TRMT11: variants seen among roughly 807,000 people sequenced by gnomAD.
TRMT11 encodes the protein tRNA methyltransferase 11.
A neutral mutation model predicts 62.8 loss-of-function variants in TRMT11; 53 were observed. The ratio of observed to expected loss-of-function variants is 0.84; its 90% CI spans 0.68 to 1.06. TRMT11 has a LOEUF of 1.06. Among genes scored for constraint, TRMT11 ranks in the 50% least tolerant of loss-of-function variants. TRMT11 has a pLI of 0.00. For missense variants in TRMT11, 556 were observed against 553.4 expected (o/e 1.00, Z -0.05); for synonymous variants, 188 against 190.3 (o/e 0.99, Z 0.10).
At chr6:126,082,708 CT>C (rs1329213696) in intron 17 of TRMT11, among the ~76,000 whole-genome samples, 1 of 152,054 alleles carries the variant, frequency 6.6e-6, no homozygotes, top group Non-Finnish European at 1.5e-5. Flanking sequence ...ATAAAAGGGA[CT>C]TTATTTTATT....
the TRMT11 span, among the ~76,000 whole-genome samples, chr6:126,246,124 A>G: frequency 1.1e-4 from 16 of 152,016 alleles, no homozygotes; most frequent in African/African-American, 3.9e-4. Context: ...CTTAAAAAAA[A>G]AATTAGCCAG....
chr6:126,251,304 C>A, the TRMT11 span, among the ~76,000 whole-genome samples: 1 of 152,032 alleles, frequency 6.6e-6, no homozygotes, highest in East Asian at 1.9e-4. Flanking sequence ...GCTGGGATTA[C>A]AGGTGTGAGC....
At chr6:126,093,402 G>C (rs866712750) in intron 17 of TRMT11, among the ~76,000 whole-genome samples, 1 of 150,592 alleles carries the variant, frequency 6.6e-6, no homozygotes, top group Non-Finnish European at 1.5e-5. Context: ...AAGGTAAATT[G>C]ACTATAACAA....
intron 3 of TRMT11, among the ~76,000 whole-genome samples, chr6:125,997,013 A>C (rs768478275): frequency 4.6e-5 from 7 of 152,196 alleles, no homozygotes; most frequent in Non-Finnish European, 8.8e-5. Flanking sequence ...TTTTTGAATA[A>C]TTGCTTGTTA....
At chr6:126,156,423 A>G (rs1032644438) in intron 21 of TRMT11, among the ~76,000 whole-genome samples, 1 of 152,136 alleles carries the variant, frequency 6.6e-6, no homozygotes, top group African/African-American at 2.4e-5. Flanking sequence ...TTTCCTATCC[A>G]TCCTCTGGAA....
At chr6:126,196,162 C>G (rs967695898) in intron 1 of TRMT11, among the ~76,000 whole-genome samples, 1 of 152,156 alleles carries the variant, frequency 6.6e-6, no homozygotes, top group African/African-American at 2.4e-5. Flanking sequence ...CAAAAACTAT[C>G]CAGGTGGTAA....
chr6:126,261,891 T>C, the TRMT11 span, among the ~76,000 whole-genome samples: 1 of 152,150 alleles, frequency 6.6e-6, no homozygotes, highest in Non-Finnish European at 1.5e-5. Flanking sequence ...GCTGTGAGAC[T>C]GAGCTGAGCC....
chr6:126,033,583 A>G (rs1442855704), intron 12 of TRMT11, among the ~76,000 whole-genome samples: 4 of 152,110 alleles, frequency 2.6e-5, no homozygotes, highest in African/African-American at 4.8e-5. Context: ...GTAGTTGTCT[A>G]TTTCTCCATC....
At chr6:126,181,222 T>A (rs1778463175) in intron 1 of TRMT11, among the ~76,000 whole-genome samples, 1 of 152,224 alleles carries the variant, frequency 6.6e-6, no homozygotes, top group Non-Finnish European at 1.5e-5. Flanking sequence ...TTGCTTTGAA[T>A]TAAGATTTTG....
chr6:126,064,130 T>G (rs561896874), intron 17 of TRMT11, among the ~76,000 whole-genome samples: 4 of 146,448 alleles, frequency 2.7e-5, no homozygotes, highest in South Asian at 2.2e-4. Flanking sequence ...TCGTGAGCAC[T>G]GGGGGAGGGA....
At chr6:126,256,417 C>T in the TRMT11 span, among the ~76,000 whole-genome samples, 5 of 152,172 alleles carry the variant, frequency 3.3e-5, no homozygotes, top group African/African-American at 1.2e-4. Context: ...TCCCAAGAAT[C>T]CTCAGTTTCT....
intron 11 of TRMT11, among the ~76,000 whole-genome samples, 198 bp from the exon 12 acceptor site, chr6:126,020,962 A>G (rs1241820169): frequency 2.6e-5 from 4 of 152,244 alleles, no homozygotes; most frequent in Non-Finnish European, 4.4e-5. Context: ...CAGGTAAAAA[A>G]TTTAACTGCA....
intron 17 of TRMT11, among the ~76,000 whole-genome samples, chr6:126,064,499 C>A (rs1369880271): frequency 1.3e-5 from 2 of 152,082 alleles, no homozygotes; most frequent in African/African-American, 4.8e-5. Flanking sequence ...GATCACATTT[C>A]CTGACTGACT....
intron 17 of TRMT11, among the ~76,000 whole-genome samples, chr6:126,070,409 A>C (rs1407262825): frequency 1.3e-5 from 2 of 152,132 alleles, no homozygotes; most frequent in Non-Finnish European, 2.9e-5. Flanking sequence ...CTCTTTCTCC[A>C]AACTTGAATA....
the TRMT11 span, among the ~76,000 whole-genome samples, chr6:126,228,311 C>A: frequency 6.6e-6 from 1 of 152,300 alleles, no homozygotes; most frequent in East Asian, 1.9e-4. Flanking sequence ...GTGTCAGGGA[C>A]AGATTGAAGC....
chr6:126,136,319 T>C (rs561673213), intron 21 of TRMT11, among the ~76,000 whole-genome samples: 8 of 151,626 alleles, frequency 5.3e-5, no homozygotes, highest in African/African-American at 1.9e-4. Context: ...CTTAGTAAAA[T>C]TACAAGATAC....
At chr6:126,076,102 G>T (rs1313415415) in intron 17 of TRMT11, among the ~76,000 whole-genome samples, 2 of 152,032 alleles carry the variant, frequency 1.3e-5, no homozygotes, top group South Asian at 4.2e-4. Context: ...AAGGTTAGTA[G>T]GTTGTGGGGG....
chr6:126,110,624 G>A (rs1288438240), intron 17 of TRMT11, among the ~76,000 whole-genome samples: 1 of 152,096 alleles, frequency 6.6e-6, no homozygotes, highest in Non-Finnish European at 1.5e-5. Flanking sequence ...AACGTACAAT[G>A]GAGCAGAATG....
intron 5 of TRMT11, 101 bp downstream of exon 5, chr6:125,998,416 C>T (rs1791955293): frequency 4.8e-6 from 6 of 1,254,300 alleles, no homozygotes; most frequent in Middle Eastern, 2.1e-4. Context: ...TTATTTTGTA[C>T]CACATTTTGT....
Sources: allele counts gnomAD v4.1 joint callset (sites outside exome capture counted in the v4.1 genomes callset), GRCh38; gene constraint gnomAD v4.1.1; transcripts MANE v1.5; gene names NCBI Gene and HGNC (gene_info 2026-07-23, HGNC 2026-07-21).